Variants in FSIP1 observed in about 807,000 individuals in gnomAD.
The protein encoded by FSIP1 is fibrous sheath interacting protein 1, also known as fibrous sheath-interacting protein 1.
FSIP1 carries 65 observed loss-of-function variants against 60.9 expected under a neutral mutation model. The observed-to-expected ratio is 1.07, with a 90% confidence interval of 0.87 to 1.31. The LOEUF is 1.31. FSIP1 is among the 40% of genes most tolerant of loss of function. FSIP1 has a pLI of 0.00. For synonymous variants in FSIP1, 209 were observed against 221.2 expected, an observed-to-expected ratio of 0.94 and a Z score of 0.49; for missense variants, 675 against 665.5, an observed-to-expected ratio of 1.01 and a Z score of -0.16.
At chr15:39,638,854 G>T (rs1300827113) in intron 10 of FSIP1, among the ~76,000 whole-genome samples, 1 of 152,056 alleles carries the variant, frequency 6.6e-6, no homozygotes, top group Non-Finnish European at 1.5e-5. Context: ...GTGTGTGTGT[G>T]GTGGGGGGTG....
intron 10 of FSIP1, among the ~76,000 whole-genome samples, chr15:39,705,928 G>C (rs1050581706): frequency 1.3e-5 from 2 of 151,354 alleles, no homozygotes; most frequent in Admixed American, 6.6e-5. Flanking sequence ...AACCTGGGAG[G>C]CAGAGGTTGC....
At chr15:39,670,652 A>G (rs1010361774) in intron 10 of FSIP1, among the ~76,000 whole-genome samples, 2 of 152,208 alleles carry the variant, frequency 1.3e-5, no homozygotes, top group Non-Finnish European at 2.9e-5. Context: ...ATAGGCAGAA[A>G]CAGCTGCCAG....
chr15:39,676,172 CAA>C (rs11369072), intron 10 of FSIP1, among the ~76,000 whole-genome samples: 12 of 112,850 alleles, frequency 1.1e-4, no homozygotes, highest in Admixed American at 3.9e-4. Context: ...GACTCCATCT[CAA>C]AAAAAAAAAA....
At chr15:39,655,328 G>C (rs1174566371) in intron 10 of FSIP1, among the ~76,000 whole-genome samples, 1 of 152,196 alleles carries the variant, frequency 6.6e-6, no homozygotes, top group Non-Finnish European at 1.5e-5. Flanking sequence ...TCCAGTAGCT[G>C]TTAGCTTTTA....
At chr15:39,622,405 T>A (rs1891471907) in intron 10 of FSIP1, among the ~76,000 whole-genome samples, 1 of 152,196 alleles carries the variant, frequency 6.6e-6, no homozygotes, top group Admixed American at 6.5e-5. Context: ...TTTCAGCCAA[T>A]ACACACACAT....
At chr15:39,618,574 A>C (rs536756249) in intron 10 of FSIP1, among the ~76,000 whole-genome samples, 181 of 152,304 alleles carry the variant, frequency 1.2e-3, no homozygotes, top group South Asian at 1.9e-3. Flanking sequence ...CACAACTATC[A>C]GTGGACAATA....
At position 39,645,690 on chromosome 15, in the gene FSIP1, T is replaced by G. The variant is rs554415333; in HGVS notation, c.1189-27445A>C. 1.4e-3 allele frequency among the ~76,000 whole-genome samples: 211 copies of G among 152,324 alleles called. 2 individuals carry two copies. The highest frequency in any genetic ancestry group is 4.7e-3 in the African/African-American group (194 of 41,580). On this transcript the variant is annotated intron_variant, in intron 10 of 11. Transcript: ENST00000350221. ...CTGCAGCTGCTGCTGCCCTCCCACG[T>G]GCAGGGCGTCTCTGCAGCCTGCACC...
chr15:39,703,381 A>G (rs1895138606), intron 10 of FSIP1, among the ~76,000 whole-genome samples: 1 of 150,474 alleles, frequency 6.6e-6, no homozygotes, highest in Non-Finnish European at 1.5e-5. Flanking sequence ...CTGCATTATC[A>G]TAACACATGT....
chr15:39,677,764 G>A (rs112358178), intron 10 of FSIP1, among the ~76,000 whole-genome samples: 4,910 of 152,192 alleles, frequency 0.032, 253 homozygotes, highest in African/African-American at 0.11. Context: ...TTGGGAGGCC[G>A]AGGCAGGCAG....
intron 10 of FSIP1, among the ~76,000 whole-genome samples, chr15:39,684,013 C>T (rs112451672): frequency 5.9e-5 from 9 of 152,186 alleles, no homozygotes; most frequent in Admixed American, 1.3e-4. Context: ...TCTGTTCTCA[C>T]CAAACTTATC....
intron 10 of FSIP1, among the ~76,000 whole-genome samples, chr15:39,650,700 C>T (rs906338242): frequency 7.2e-5 from 11 of 152,192 alleles, no homozygotes; most frequent in Admixed American, 1.3e-4. Flanking sequence ...CCAGTTCTGA[C>T]GGTCTATCGT....
chr15:39,630,994 C>T (rs142286716), intron 10 of FSIP1, among the ~76,000 whole-genome samples: 1 of 152,304 alleles, frequency 6.6e-6, no homozygotes, highest in African/African-American at 2.4e-5. Context: ...AAACCTGGGG[C>T]ATCAGGCTGT....
At chr15:39,717,898 T>G (rs1165873535) in intron 9 of FSIP1, among the ~76,000 whole-genome samples, 1 of 152,230 alleles carries the variant, frequency 6.6e-6, no homozygotes, top group Non-Finnish European at 1.5e-5. Flanking sequence ...TTTCTCAGAT[T>G]GCCAAGGAAA....
chr15:39,712,205 C>T (rs1407474264), intron 10 of FSIP1, among the ~76,000 whole-genome samples: 1 of 136,950 alleles, frequency 7.3e-6, no homozygotes, highest in Non-Finnish European at 1.5e-5. Context: ...GTCAGTGCTG[C>T]TGCAGTGGGC....
At chr15:39,599,490 C>T (rs1276700055), downstream of FSIP1, 2 of 151,996 alleles carry the variant, frequency 1.3e-5, no homozygotes, top group African/African-American at 4.8e-5. Flanking sequence ...TTCTGTCTCC[C>T]TCTTCCCTCC....
intron 10 of FSIP1, among the ~76,000 whole-genome samples, chr15:39,655,196 T>C (rs527967265): frequency 2.0e-5 from 3 of 152,194 alleles, no homozygotes; most frequent in Non-Finnish European, 2.9e-5. Flanking sequence ...AGGAATACTA[T>C]ATGAAAAGAG....
chr15:39,709,668 G>A (rs1282797863), intron 10 of FSIP1, among the ~76,000 whole-genome samples: 1 of 151,468 alleles, frequency 6.6e-6, no homozygotes, highest in African/African-American at 2.4e-5. Context: ...GGGAGGGGTG[G>A]GGGAGGGGTA....
At position 39,617,591 on chromosome 15, in the gene FSIP1, G is replaced by C. The variant is rs929243986; in HGVS notation, c.1699+144C>G. ...GATTTCATAAGAGCATTGGGAAATA[G>C]GTTTTATGTTTGCATACTCTTATTG... On this transcript the variant is annotated intron_variant, in intron 11 of 11. Coordinates refer to ENST00000350221, the MANE Select transcript of FSIP1 (RefSeq NM_152597.5). The C allele has an allele frequency of 5.0e-5, 33 of 655,816 alleles. No homozygotes were observed. In the South Asian group the frequency reaches 5.9e-4, roughly 12 times the overall value. The allele number at this position is 655,816 out of a possible 1,614,324, so 40.6% of individuals were successfully genotyped here.
chr15:39,656,220 G>T (rs563883919), intron 10 of FSIP1, among the ~76,000 whole-genome samples: 5 of 152,284 alleles, frequency 3.3e-5, no homozygotes, highest in African/African-American at 1.2e-4. Context: ...AAGAAAAAAG[G>T]CTTCAATAGC....
Sources: allele counts gnomAD v4.1 joint callset (sites outside exome capture counted in the v4.1 genomes callset), GRCh38; gene constraint gnomAD v4.1.1; transcripts MANE v1.5; gene names NCBI Gene and HGNC (gene_info 2026-07-23, HGNC 2026-07-21).